Variants in MATN2 observed in about 807,000 individuals in gnomAD.
MATN2 encodes the protein matrilin-2.
In MATN2, 69 loss-of-function variants were observed where a neutral mutation model predicts 103.2. The ratio of observed to expected loss-of-function variants is 0.67; its 90% CI spans 0.55 to 0.82. MATN2 has a LOEUF of 0.82. MATN2 is among the 40% of genes least tolerant of loss of function. The pLI is 0.00. For synonymous variants in MATN2, 429 were observed against 450.2 expected, an observed-to-expected ratio of 0.95 and a Z score of 0.60; for missense variants, 1,023 against 1,211.5, an observed-to-expected ratio of 0.84 and a Z score of 2.31.
chr8:98,014,546 T>C (rs1813293107), intron 10 of MATN2, among the ~76,000 whole-genome samples: 1 of 152,230 alleles, frequency 6.6e-6, no homozygotes, highest in African/African-American at 2.4e-5. Context: ...TCTTCAAAGA[T>C]TTTGGCAGTG....
intron 13 of MATN2, among the ~76,000 whole-genome samples, chr8:98,022,359 A>G (rs1227013714): frequency 2.0e-4 from 5 of 25,368 alleles, no homozygotes; most frequent in African/African-American, 1.2e-3. Flanking sequence ...ACCCTTATGC[A>G]CACACACACA....
intron 1 of MATN2, among the ~76,000 whole-genome samples, chr8:97,884,156 T>C (rs1317434370): frequency 6.6e-6 from 1 of 150,834 alleles, no homozygotes; most frequent in Non-Finnish European, 1.5e-5. Flanking sequence ...TTTTCTGAGA[T>C]GGAGTTTTGC....
At chr8:97,967,317 C>T (rs1563697011) in intron 5 of MATN2, among the ~76,000 whole-genome samples, 3 of 152,216 alleles carry the variant, frequency 2.0e-5, no homozygotes, top group South Asian at 4.1e-4. Context: ...AAAATACAAT[C>T]GTGCCTTTGC....
chr8:97,954,458 C>CA (rs1811076971), intron 4 of MATN2, among the ~76,000 whole-genome samples: 1 of 152,192 alleles, frequency 6.6e-6, no homozygotes, highest in Non-Finnish European at 1.5e-5. Context: ...CTCCAGGAGA[C>CA]AAAAGCTCTG....
chr8:97,990,017 A>G (rs1812338758), intron 6 of MATN2, among the ~76,000 whole-genome samples: 2 of 152,020 alleles, frequency 1.3e-5, no homozygotes, highest in South Asian at 4.2e-4. Flanking sequence ...GCTTGTCTCT[A>G]CTAAAAATAT....
Position 97,959,226 on chromosome 8 carries a change from C to T in MATN2, c.836-2182C>T, listed in dbSNP as rs376891117. 3.5e-4 allele frequency among the ~76,000 whole-genome samples: 53 copies of T among 152,216 alleles called. No homozygotes were observed. The South Asian group carries it at 0.01, about 29-fold the overall frequency. On this transcript the variant is annotated intron_variant, in intron 4 of 18. Coordinates refer to ENST00000254898, the MANE Select transcript of MATN2 (RefSeq NM_002380.5). ...CCTTTGCATTCACTGTTCTTTTGGC[C>T]GAAAATACTCTTCCTAAAGGTTCAT...
rs775574926 is a variant in MATN2, at chr8:98,035,760, A to G, written c.*48A>G. On this transcript the variant is annotated 3_prime_UTR_variant, in exon 19 of 19. Coordinates refer to ENST00000254898, the MANE Select transcript of MATN2 (RefSeq NM_002380.5). ...TGTAGTCATTGTATCACGGATTACA[A>G]TGAACGCAGTGCAGAGCCCCAAAGC... 7 of 1,297,392 alleles carry G rather than the reference A, an allele frequency of 5.4e-6. No individual in the cohort carries two copies. The highest frequency in any genetic ancestry group is 2.7e-5 in the South Asian group (2 of 74,914). 80.4% of individuals were successfully genotyped at this position (1,297,392 alleles called of 1,614,324 possible).
chr8:97,901,679 C>T lies in MATN2; in HGVS notation c.142+13437C>T, dbSNP rs191610082. On this transcript the variant is annotated intron_variant, in intron 2 of 18. Coordinates refer to ENST00000254898, the MANE Select transcript of MATN2 (RefSeq NM_002380.5). Reference sequence around the variant, plus strand: ...GTGCCAAGGATACTGCAGGGTCAGGCCAGGGTCACATCTGGCTCACCACCA... The same window carrying T: ...GTGCCAAGGATACTGCAGGGTCAGGTCAGGGTCACATCTGGCTCACCACCA... 2.0e-5 allele frequency among the ~76,000 whole-genome samples: 3 copies of T among 152,306 alleles called. No individual in the cohort carries two copies. The East Asian group carries it at 5.8e-4, about 29-fold the overall frequency.
intron 1 of MATN2, among the ~76,000 whole-genome samples, chr8:97,872,888 A>G (rs1465050435): frequency 6.6e-6 from 1 of 151,230 alleles, no homozygotes; most frequent in African/African-American, 2.4e-5. Context: ...TCCGCCTCCC[A>G]GGTTCAAGTG....
At chr8:97,941,434 C>T (rs1029111031) in intron 3 of MATN2, among the ~76,000 whole-genome samples, 2 of 152,148 alleles carry the variant, frequency 1.3e-5, no homozygotes, top group African/African-American at 2.4e-5. Flanking sequence ...AGTCAAAGTC[C>T]CCTCTGATGC....
At chr8:97,977,836 G>A (rs1811888361) in intron 5 of MATN2, among the ~76,000 whole-genome samples, 1 of 152,030 alleles carries the variant, frequency 6.6e-6, no homozygotes, top group Non-Finnish European at 1.5e-5. Flanking sequence ...CTTGCTGTTT[G>A]TTTTGCCCAA....
In MATN2 at chr8:98,036,026, A is replaced by C; in HGVS notation, c.*314A>C. 1.3e-5 allele frequency: 3 copies of C among 229,166 alleles called. No individual in the cohort carries two copies. The highest frequency in any genetic ancestry group is 1.7e-5 in the Non-Finnish European group (2 of 118,900). 14.2% of individuals were successfully genotyped at this position (229,166 alleles called of 1,614,324 possible). ...TCATCCTGCCTTAGTGTGCAATCTC[A>C]TTTGACTATACGATAAAGTTTGCAC... On this transcript the variant is annotated 3_prime_UTR_variant, in exon 19 of 19. Coordinates refer to ENST00000254898, the MANE Select transcript of MATN2 (RefSeq NM_002380.5).
At chr8:97,891,882 A>C (rs1352323404) in intron 2 of MATN2, among the ~76,000 whole-genome samples, 2 of 152,114 alleles carry the variant, frequency 1.3e-5, no homozygotes, top group Non-Finnish European at 2.9e-5. Context: ...TGGAAGGATC[A>C]CTTGAGCCCA....
intron 12 of MATN2, 82 bp downstream of exon 12, chr8:98,018,198 T>C: frequency 6.4e-7 from 1 of 1,550,788 alleles, no homozygotes. Context: ...CTTAAAGTCC[T>C]CCTTTATTAC....
chr8:97,958,038 G>A (rs2130247997), intron 4 of MATN2, among the ~76,000 whole-genome samples: 1 of 152,276 alleles, frequency 6.6e-6, no homozygotes, highest in East Asian at 1.9e-4. Flanking sequence ...GTGCAGGGAA[G>A]CCTTTTAGAA....
chr8:97,964,458 T>C (rs902997236), intron 5 of MATN2, among the ~76,000 whole-genome samples: 38 of 149,778 alleles, frequency 2.5e-4, no homozygotes, highest in Non-Finnish European at 1.0e-4. Flanking sequence ...CTTTTTTTTT[T>C]TTTTCTTTTT....
intron 13 of MATN2, among the ~76,000 whole-genome samples, chr8:98,023,121 A>G (rs1813663150): frequency 6.6e-6 from 1 of 152,040 alleles, no homozygotes; most frequent in South Asian, 2.1e-4. Context: ...AATAAAATAC[A>G]AAAATTAGCC....
intron 5 of MATN2, among the ~76,000 whole-genome samples, chr8:97,977,809 A>G (rs73278260): frequency 0.014 from 2,158 of 151,424 alleles, 66 homozygotes; most frequent in African/African-American, 0.049. Flanking sequence ...GCAGAGTCCC[A>G]CCTCCTGGCC....
chr8:98,021,679 TA>T (rs397778924), intron 13 of MATN2, among the ~76,000 whole-genome samples: 41,046 of 132,174 alleles, frequency 0.31, 6,266 homozygotes, highest in Middle Eastern at 0.38. Flanking sequence ...AGTTTAAACA[TA>T]AAAAAAAAAA....
Sources: gnomAD v4.1 joint callset for allele counts (sites outside exome capture counted in the v4.1 genomes callset) on GRCh38, gnomAD v4.1.1 for gene constraint, MANE v1.5 for transcripts, NCBI Gene and HGNC (gene_info 2026-07-23, HGNC 2026-07-21) for gene names.